FGFR2: variants seen among roughly 807,000 people sequenced by gnomAD.
FGFR2 encodes fibroblast growth factor receptor 2.
A neutral mutation model predicts 95.9 loss-of-function variants in FGFR2; 19 were observed. The observed-to-expected ratio is 0.20, with a 90% CI of 0.14 to 0.29. The LOEUF is 0.29. FGFR2 is among the 10% of genes least tolerant of loss of function. The pLI is 1.00. For missense variants in FGFR2, 707 were observed against 1,056.9 expected, an observed-to-expected ratio of 0.67 and a Z score of 4.59; for synonymous variants, 392 against 393.3, an observed-to-expected ratio of 1.00 and a Z score of 0.04.
In FGFR2 at chr10:121,512,153, T is replaced by C. The variant is rs1849132192; in HGVS notation, c.1287+2964A>G. On this transcript the variant is annotated intron_variant, in intron 9 of 17. Coordinates refer to ENST00000358487, the MANE Select transcript of FGFR2 (RefSeq NM_000141.5). Reference sequence around the variant, plus strand: ...ATAAATGCCTAGAAACAACCCATCCTTGACACATCTGATTAGAGGCTCAGG... The same window carrying C: ...ATAAATGCCTAGAAACAACCCATCCCTGACACATCTGATTAGAGGCTCAGG... Among the ~76,000 whole-genome samples, 8 of 152,176 alleles carry C rather than the reference T, an allele frequency of 5.3e-5. No homozygotes were observed. In the South Asian group the frequency reaches 1.7e-3, roughly 32 times the overall value.
At chr10:121,597,520 T>A (rs1284677267) in intron 1 of FGFR2, among the ~76,000 whole-genome samples, 2 of 152,000 alleles carry the variant, frequency 1.3e-5, no homozygotes, top group African/African-American at 2.4e-5. Context: ...GAAAAAGGGG[T>A]CTCCGCAGGG....
At chr10:121,549,246 ACTGT>A (rs1302099116) in intron 5 of FGFR2, among the ~76,000 whole-genome samples, 2 of 152,190 alleles carry the variant, frequency 1.3e-5, no homozygotes, top group East Asian at 1.9e-4. Flanking sequence ...AAGATGAATA[ACTGT>A]CTAAGAAATT....
chr10:121,519,661 A>G (rs1850211962), intron 7 of FGFR2, among the ~76,000 whole-genome samples: 1 of 152,210 alleles, frequency 6.6e-6, no homozygotes, highest in Non-Finnish European at 1.5e-5. Flanking sequence ...GGGACAGAGT[A>G]TCACGATCTC....
intron 4 of FGFR2, among the ~76,000 whole-genome samples, chr10:121,555,025 A>C (rs1469037263): frequency 2.0e-5 from 3 of 152,218 alleles, no homozygotes; most frequent in African/African-American, 7.2e-5. Context: ...AGCAGAGATC[A>C]GCCTTGTCCA....
At chr10:121,546,080 G>T in intron 5 of FGFR2, among the ~76,000 whole-genome samples, 1 of 151,616 alleles carries the variant, frequency 6.6e-6, no homozygotes, top group East Asian at 1.9e-4. Flanking sequence ...TGAGAATTGA[G>T]GTGGTCTATT....
chr10:121,503,661 A>G (rs533759473), intron 10 of FGFR2, 129 bp downstream of exon 10: 7 of 1,023,234 alleles, frequency 6.8e-6, no homozygotes, highest in Admixed American at 5.7e-5. Context: ...TAGAAATACA[A>G]TCTTACTCCT....
chr10:121,572,901 T>A (rs11200012), intron 2 of FGFR2, among the ~76,000 whole-genome samples: 28,952 of 152,094 alleles, frequency 0.19, 2,925 homozygotes, highest in Non-Finnish European at 0.23. Context: ...GAGAAAAAAA[T>A]CCTCGCTGTG....
Position 121,517,438 on chromosome 10 carries a change from T to G in FGFR2, c.965A>C (p.Lys322Thr), listed in dbSNP as rs371141402. ...CCGAATATAGAGAACCTCAATCTCT[T>G]TGTCCGTGGTGTTAACACCGGCGGC... ...LKAAGVNTTDKEIEVLYIRNV... is the reference protein window; with the variant it reads ...LKAAGVNTTDTEIEVLYIRNV... Residue 322 changes from lysine (K) to threonine (T), a missense_variant, in exon 8 of 18, where the codon AAA becomes ACA. Coordinates refer to ENST00000358487, the MANE Select transcript of FGFR2 (RefSeq NM_000141.5). This position sits in a 1 kb window ranked among gnomAD's most constrained non-coding sequence, Gnocchi z 4.7. 1 of 1,614,190 alleles carries G rather than the reference T, an allele frequency of 6.2e-7. No individual in the cohort carries two copies. Among genetic ancestry groups the G allele is most frequent in the African/African-American group, 1.3e-5 (1 of 75,058 alleles).
Position 121,491,552 on chromosome 10 carries a change from G to A in FGFR2, c.1864-3439C>T, listed in dbSNP as rs141026542. On this transcript the variant is annotated intron_variant, in intron 13 of 17. Transcript: ENST00000358487. ...TGGATAGTGTTATACCCATTTTACA[G>A]GTGGGGAAGCTGGGGCTTCACTAAA... 2.8e-4 allele frequency among the ~76,000 whole-genome samples: 43 copies of A among 152,258 alleles called. 1 individual carries two copies. The East Asian group carries it at 8.2e-3, about 29-fold the overall frequency.
Position 121,479,897 on chromosome 10 carries a change from A to G in FGFR2, c.2426T>C (p.Leu809Pro), listed in dbSNP as rs368003279. 1.7e-5 allele frequency: 28 copies of G among 1,614,170 alleles called. No homozygotes were observed. In the African/African-American group the frequency reaches 3.5e-4, roughly 20 times the overall value. The change falls in exon 18 of 18, where the codon CTT (leucine) becomes CCT (proline). Residue 809 changes from leucine to proline, a missense_variant. Coordinates refer to ENST00000358487, the MANE Select transcript of FGFR2 (RefSeq NM_000141.5). The part of the protein sequence containing the change: ...SPDPMPYEPC[L>P]PQYPHINGSV... ...GCCGTTTATGTGTGGATACTGAGGA[A>G]GGCATGGTTCGTAAGGCATGGGGTC...
rs1352355551 is a variant in FGFR2 at position 121,517,329 on chromosome 10, T to C, written c.1074A>G (p.Thr358=). Reference sequence around the variant, plus strand: ...AAGAACAGTATATACCTGGCAGAACTGTCAACCATGCAGAGTGAAAGGATA... The same window carrying C: ...AAGAACAGTATATACCTGGCAGAACCGTCAACCATGCAGAGTGAAAGGATA... ...IGISFHSAWL[T]VLPAPGREKE... Residue 358 remains threonine (T), a synonymous_variant, in exon 8 of 18, where the codon ACA becomes ACG. Coordinates refer to ENST00000358487, the MANE Select transcript of FGFR2 (RefSeq NM_000141.5). This position sits in a 1 kb window ranked among gnomAD's most constrained non-coding sequence, Gnocchi z 4.7. 7 of 1,614,172 alleles carry C rather than the reference T, an allele frequency of 4.3e-6. No individual in the cohort carries two copies. The highest frequency in any genetic ancestry group is 5.9e-6 in the Non-Finnish European group (7 of 1,180,026).
At chr10:121,511,017 CT>C (rs1292992198) in intron 9 of FGFR2, among the ~76,000 whole-genome samples, 1 of 151,884 alleles carries the variant, frequency 6.6e-6, no homozygotes, top group East Asian at 1.9e-4. Flanking sequence ...GTTGGCCAGG[CT>C]GGTCTAGAAC....
At chr10:121,577,677 C>G (rs1860140317) in intron 2 of FGFR2, among the ~76,000 whole-genome samples, 1 of 152,116 alleles carries the variant, frequency 6.6e-6, no homozygotes, top group South Asian at 2.1e-4. Flanking sequence ...CTACCTCTGG[C>G]TCTTCTGGTC....
chr10:121,489,318 T>C (rs1649197), intron 13 of FGFR2, among the ~76,000 whole-genome samples: 150,737 of 152,182 alleles, frequency 0.99, 74,667 homozygotes, highest in Middle Eastern at 1. Context: ...AGGTGAGCCA[T>C]CCGCCTCGGC....
chr10:121,522,158 T>C (rs1022980792), intron 6 of FGFR2, among the ~76,000 whole-genome samples: 3 of 152,144 alleles, frequency 2.0e-5, no homozygotes, highest in Non-Finnish European at 4.4e-5. Flanking sequence ...TGAGTTGCAA[T>C]CAAGAGGCAT....
intron 17 of FGFR2, chr10:121,482,156 A>G (rs774044462): frequency 1.4e-5 from 23 of 1,612,666 alleles, no homozygotes; most frequent in Non-Finnish European, 1.9e-5. Context: ...CAGTTTCTCA[A>G]TGAAGCCATA....
In FGFR2 at chr10:121,499,359, T is replaced by A. The variant is rs538923849; in HGVS notation, c.1562-754A>T. Among the ~76,000 whole-genome samples, 17 of 152,028 alleles carry A rather than the reference T, an allele frequency of 1.1e-4. No individual in the cohort carries two copies. In the East Asian group the frequency reaches 2.7e-3, roughly 24 times the overall value. ...TTTCCTTTAAAAAAAAAATGAAATATGGGCATGGATAAGAACCATGTTGCA... is the reference window on the plus strand; with the variant it reads ...TTTCCTTTAAAAAAAAAATGAAATAAGGGCATGGATAAGAACCATGTTGCA... On this transcript the variant is annotated intron_variant, in intron 11 of 17. Transcript: ENST00000358487.
intron 8 of FGFR2, among the ~76,000 whole-genome samples, chr10:121,516,984 A>G (rs931202252): frequency 2.0e-5 from 3 of 152,246 alleles, no homozygotes; most frequent in African/African-American, 7.2e-5. Flanking sequence ...AAATGAGAAT[A>G]AATTACTTTG....
intron 9 of FGFR2, among the ~76,000 whole-genome samples, chr10:121,512,885 T>C (rs1171918743): frequency 3.3e-5 from 5 of 152,164 alleles, no homozygotes; most frequent in Middle Eastern, 3.2e-3. Flanking sequence ...TCTTTTTTTT[T>C]AAAGACGGAG....
Sources: gnomAD v4.1 joint callset for allele counts (sites outside exome capture counted in the v4.1 genomes callset) on GRCh38, gnomAD v4.1.1 for gene constraint, Gnocchi (gnomAD v3.1) non-coding constraint, MANE v1.5 for transcripts, NCBI Gene and HGNC (gene_info 2026-07-23, HGNC 2026-07-21) for gene names.